COLGALT2: variants seen among roughly 807,000 people sequenced by gnomAD.
The protein encoded by COLGALT2 is procollagen galactosyltransferase 2.
In COLGALT2, 49 loss-of-function variants were observed where a neutral mutation model predicts 73.4. The ratio of observed to expected loss-of-function variants is 0.67; its 90% CI spans 0.53 to 0.85. The LOEUF (loss-of-function observed/expected upper bound fraction) is 0.85. Among genes scored for constraint, COLGALT2 ranks in the 40% least tolerant of loss-of-function variants. The pLI is 0.00. For synonymous variants in COLGALT2, 295 were observed against 307.6 expected, an observed-to-expected ratio of 0.96 and a Z score of 0.43; for missense variants, 722 against 790.2, an observed-to-expected ratio of 0.91 and a Z score of 1.03.
chr1:184,032,556 T>C (rs1017644418), intron 1 of COLGALT2, among the ~76,000 whole-genome samples: 1 of 152,220 alleles, frequency 6.6e-6, no homozygotes, highest in African/African-American at 2.4e-5. Context: ...CCTCCAACTC[T>C]GGTTGATGCC....
chr1:183,978,488 G>T lies in COLGALT2; in HGVS notation c.296C>A (p.Thr99Lys), dbSNP rs1335506918. 1 of 1,610,818 alleles carries T rather than the reference G, an allele frequency of 6.2e-7. No individual in the cohort carries two copies. Among genetic ancestry groups the T allele is most frequent in the Non-Finnish European group, 8.5e-7 (1 of 1,177,434 alleles). ...AATDHNVDNT[T>K]EIFREWLKNV... The stretch of plus-strand genomic sequence containing the variant: ...TTTCAACCACTCCCTGAATATTTCT[G>T]TTGTATTATCCACATTGTGATCAGT... Residue 99 changes from threonine (T) to lysine (K), a missense_variant, in exon 2 of 12, where the codon ACA (threonine) becomes AAA (lysine). Coordinates refer to ENST00000361927, the MANE Select transcript of COLGALT2 (RefSeq NM_015101.4).
At chr1:183,973,392 G>A (rs1671102532) in intron 4 of COLGALT2, among the ~76,000 whole-genome samples, 1 of 152,136 alleles carries the variant, frequency 6.6e-6, no homozygotes, top group South Asian at 2.1e-4. Context: ...CTAAGGCTAA[G>A]CTCTTTAGAC....
At chr1:184,002,840 A>G (rs1671968157) in intron 1 of COLGALT2, among the ~76,000 whole-genome samples, 1 of 152,154 alleles carries the variant, frequency 6.6e-6, no homozygotes, top group Non-Finnish European at 1.5e-5. Context: ...TAAAATTCAC[A>G]TTTTTTTAAC....
chr1:183,950,198 TCTGAGATGGGACTGAGGGAG>T (rs1558311502), intron 8 of COLGALT2, among the ~76,000 whole-genome samples: 1 of 152,118 alleles, frequency 6.6e-6, no homozygotes, highest in Non-Finnish European at 1.5e-5. Flanking sequence ...ATTCAGCAGG[TCTGAGATGGGACTGAGGGAG>T]CTGTCCCCTT....
intron 1 of COLGALT2, among the ~76,000 whole-genome samples, chr1:183,996,521 G>C (rs961358823): frequency 6.6e-6 from 1 of 152,102 alleles, no homozygotes; most frequent in Non-Finnish European, 1.5e-5. Flanking sequence ...TCTGAAAAGG[G>C]GTATTTTCTG....
At position 183,950,970 on chromosome 1, in the gene COLGALT2, C is replaced by T. The variant is rs780599048; in HGVS notation, c.1136+37G>A. 3.5e-6 allele frequency: 5 copies of T among 1,447,976 alleles called. No homozygotes were observed. In the East Asian group the frequency reaches 1.1e-4, roughly 33 times the overall value. The allele number at this position is 1,447,976 out of a possible 1,614,324, so 89.7% of individuals were successfully genotyped here. ...TGTCAGAGAAGACACATCCACACTC[C>T]AATCACATCTGCAATGGGAGAAGAA... On this transcript the variant is annotated intron_variant, in intron 8 of 11. Transcript: ENST00000361927.
chr1:183,946,564 G>A (rs1027021176), intron 8 of COLGALT2: 1 of 152,202 alleles, frequency 6.6e-6, no homozygotes, highest in Non-Finnish European at 1.5e-5. Context: ...GTATCTATAA[G>A]AGGCAGCCTT....
chr1:183,949,821 G>A (rs12124245), intron 8 of COLGALT2, among the ~76,000 whole-genome samples: 5,034 of 152,220 alleles, frequency 0.033, 92 homozygotes, highest in East Asian at 0.061. Flanking sequence ...GAAAATATTT[G>A]ACAATTACAT....
At chr1:184,036,701 T>A (rs1318589527) in intron 1 of COLGALT2, among the ~76,000 whole-genome samples, 3 of 152,090 alleles carry the variant, frequency 2.0e-5, no homozygotes, top group African/African-American at 7.2e-5. Flanking sequence ...AGGCACCCTA[T>A]CCCCTCACGT....
At chr1:183,931,860 T>TTA (rs1435054998), downstream of COLGALT2, among the ~76,000 whole-genome samples, 1 of 120,002 alleles carries the variant, frequency 8.3e-6, no homozygotes, top group Admixed American at 8.4e-5. Flanking sequence ...GTTCCTGCCA[T>TTA]AAAAAAAAAA....
At chr1:183,931,442 G>T (rs1460006010), downstream of COLGALT2, among the ~76,000 whole-genome samples, 1 of 152,176 alleles carries the variant, frequency 6.6e-6, no homozygotes, top group Non-Finnish European at 1.5e-5. Context: ...CCAAAAAGAT[G>T]ATTATTGTGA....
At chr1:183,999,514 A>G (rs201983784) in intron 1 of COLGALT2, among the ~76,000 whole-genome samples, 2 of 152,216 alleles carry the variant, frequency 1.3e-5, no homozygotes, top group Middle Eastern at 3.4e-3. Flanking sequence ...TAATCACTCA[A>G]TGAGTATATA....
intron 1 of COLGALT2, among the ~76,000 whole-genome samples, chr1:184,007,606 G>C (rs914378563): frequency 1.3e-5 from 2 of 152,034 alleles, no homozygotes; most frequent in African/African-American, 4.8e-5. Flanking sequence ...GGTAGGTCTT[G>C]CCCTCCTAAT....
At position 184,028,887 on chromosome 1, in the gene COLGALT2, C is replaced by T. The variant is rs193177073; in HGVS notation, c.263+8208G>A. Among the ~76,000 whole-genome samples the T allele has an allele frequency of 3.3e-5, 5 of 152,270 alleles. No homozygotes were observed. In the East Asian group the frequency reaches 5.8e-4, roughly 18 times the overall value. On this transcript the variant is annotated intron_variant, in intron 1 of 11. Coordinates refer to ENST00000361927, the MANE Select transcript of COLGALT2 (RefSeq NM_015101.4). The stretch of plus-strand genomic sequence containing the variant: ...GAGGAACAAAATCTTATCAGTTAAA[C>T]CAACAAGTCAGGGGACAGGCCTTAG...
chr1:183,981,611 C>T (rs968387487), intron 1 of COLGALT2, among the ~76,000 whole-genome samples: 2 of 152,202 alleles, frequency 1.3e-5, no homozygotes, highest in African/African-American at 2.4e-5. Context: ...CAGCCGAGAT[C>T]GGGCCACTGC....
chr1:184,031,450 G>A (rs975612098), intron 1 of COLGALT2, among the ~76,000 whole-genome samples: 4 of 152,212 alleles, frequency 2.6e-5, no homozygotes, highest in African/African-American at 9.6e-5. Flanking sequence ...GACAGCGGAA[G>A]AGAACCACTA....
intron 1 of COLGALT2, among the ~76,000 whole-genome samples, chr1:184,000,479 A>C (rs1671889158): frequency 7.0e-6 from 1 of 143,362 alleles, no homozygotes; most frequent in Non-Finnish European, 1.5e-5. Flanking sequence ...AGAATGATTT[A>C]ACTATAGTCA....
At chr1:183,971,355 T>C (rs1389206235) in intron 4 of COLGALT2, among the ~76,000 whole-genome samples, 1 of 152,166 alleles carries the variant, frequency 6.6e-6, no homozygotes, top group Non-Finnish European at 1.5e-5. Context: ...CCTAAGTTGC[T>C]CAGAATTTAG....
At chr1:183,932,733 G>C (rs889073155), downstream of COLGALT2, among the ~76,000 whole-genome samples, 1 of 152,154 alleles carries the variant, frequency 6.6e-6, no homozygotes, top group Non-Finnish European at 1.5e-5. Context: ...CTCGCTGGAC[G>C]GGCTGTGACA....
Sources: gnomAD v4.1 joint callset for allele counts (sites outside exome capture counted in the v4.1 genomes callset) on GRCh38, gnomAD v4.1.1 for gene constraint, MANE v1.5 for transcripts, NCBI Gene and HGNC (gene_info 2026-07-23, HGNC 2026-07-21) for gene names.